The following PTPN23 variants were observed in gnomAD, a reference collection of about 807,000 sequenced individuals.
PTPN23 encodes the protein tyrosine-protein phosphatase non-receptor type 23.
A neutral mutation model predicts 156.3 loss-of-function variants in PTPN23; 72 were observed. The observed-to-expected ratio is 0.46, with a 90% CI of 0.38 to 0.56. PTPN23 has a LOEUF of 0.56. Ranked by LOEUF, PTPN23 falls within the 20% of genes least tolerant of loss-of-function variation. PTPN23 has a pLI of 0.00. For synonymous variants in PTPN23, 957 were observed against 899.6 expected, an observed-to-expected ratio of 1.06 and a Z score of -1.14; for missense variants, 1,974 against 2,171.5, an observed-to-expected ratio of 0.91 and a Z score of 1.81.
Position 47,381,021 on chromosome 3 carries a change from G to A in PTPN23, c.-76G>A, listed in dbSNP as rs1323909035. The A allele has an allele frequency of 1.9e-5, 29 of 1,545,026 alleles. No homozygotes were observed. Among genetic ancestry groups the A allele is most frequent in the Non-Finnish European group, 7.0e-6 (8 of 1,143,854 alleles). On this transcript the variant is annotated 5_prime_UTR_variant, in exon 1 of 25. Transcript: ENST00000265562. Reference sequence around the variant, plus strand: ...CCAGTGACTTCCGGCACGAAGGGGCGGGGCTGGGCTCGTGGCTGAGCCAGC... The same window carrying A: ...CCAGTGACTTCCGGCACGAAGGGGCAGGGCTGGGCTCGTGGCTGAGCCAGC...
rs2107716206 is a variant in PTPN23 at position 47,406,984 on chromosome 3, C to T, written c.808-146C>T. 1 of 1,176,014 alleles carries T rather than the reference C, an allele frequency of 8.5e-7. No individual in the cohort carries two copies. Among genetic ancestry groups the T allele is most frequent in the Non-Finnish European group, 1.2e-6 (1 of 824,488 alleles). 72.8% of individuals were successfully genotyped at this position (1,176,014 alleles called of 1,614,324 possible). The stretch of plus-strand genomic sequence containing the variant: ...AGGTGGCTGGGGCAGGGTGTGGCGC[C>T]ACCTTGCTGCTGTTGGCTGGGGTGG... On this transcript the variant is annotated intron_variant, in intron 9 of 24. Coordinates refer to ENST00000265562, the MANE Select transcript of PTPN23 (RefSeq NM_015466.4). The surrounding 1 kb of genome is among the most constrained non-coding windows in gnomAD (Gnocchi z 5.8).
chr3:47,389,712 T>C (rs1002624151), intron 1 of PTPN23, among the ~76,000 whole-genome samples: 1 of 151,876 alleles, frequency 6.6e-6, no homozygotes, highest in Non-Finnish European at 1.5e-5. Flanking sequence ...TGGTGGCGGG[T>C]GCCTGTAGTC....
At position 47,413,125 on chromosome 3, in the gene PTPN23, C is replaced by A; in HGVS notation, c.4851C>A (p.Thr1617=). 6.2e-7 allele frequency: 1 copy of A among 1,612,832 alleles called. No homozygotes were observed. The highest frequency in any genetic ancestry group is 8.5e-7 in the Non-Finnish European group (1 of 1,179,986). Residue 1617 remains threonine (T), a synonymous_variant, in exon 25 of 25, where the codon ACC becomes ACA. Coordinates refer to ENST00000265562, the MANE Select transcript of PTPN23 (RefSeq NM_015466.4). ...QAHNGQGLRA[T]RPSDDPLSLL... Reference sequence around the variant, plus strand: ...ATAACGGGCAAGGGCTGCGGGCCACCCGGCCCTCTGACGACCCCCTCAGCC... The same window carrying A: ...ATAACGGGCAAGGGCTGCGGGCCACACGGCCCTCTGACGACCCCCTCAGCC...
At position 47,413,398 on chromosome 3, in the gene PTPN23, C is replaced by CTCTT. The variant is rs1705384458; in HGVS notation, c.*215_*218dup. On this transcript the variant is annotated 3_prime_UTR_variant, in exon 25 of 25. Coordinates refer to ENST00000265562, the MANE Select transcript of PTPN23 (RefSeq NM_015466.4). Reference sequence around the variant, plus strand: ...CTTTATGGGACCCGACATTTTTCAGCTCTTTGCTATTGAAATAATAAACCA... The same window carrying CTCTT: ...CTTTATGGGACCCGACATTTTTCAGCTCTTTCTTTGCTATTGAAATAATAAACCA... 14 of 626,666 alleles carry CTCTT rather than the reference C, an allele frequency of 2.2e-5. No individual in the cohort carries two copies. Among genetic ancestry groups the CTCTT allele is most frequent in the Admixed American group, 3.2e-5 (1 of 31,000 alleles). The allele number at this position is 626,666 out of a possible 1,614,324, so 38.8% of individuals were successfully genotyped here.
At position 47,412,225 on chromosome 3, in the gene PTPN23, C is replaced by G. The variant is rs771199693; in HGVS notation, c.4178+27C>G. ...TAGAGGGTGGGCCTGAGGGTCTCTC[C>G]TCTATGGGCTCTTGGCCTAGCCTCA... On this transcript the variant is annotated intron_variant, in intron 22 of 24. Transcript: ENST00000265562. The G allele has an allele frequency of 1.9e-6, 3 of 1,613,294 alleles. No homozygotes were observed. In the South Asian group the frequency reaches 3.3e-5, roughly 18 times the overall value.
At chr3:47,403,576 T>C (rs950881631) in intron 2 of PTPN23, among the ~76,000 whole-genome samples, 3 of 152,222 alleles carry the variant, frequency 2.0e-5, no homozygotes, top group Non-Finnish European at 4.4e-5. Flanking sequence ...TCACCCAGGC[T>C]GGAAAACAGT....
chr3:47,386,378 C>T (rs890389034), intron 1 of PTPN23, among the ~76,000 whole-genome samples: 2 of 152,092 alleles, frequency 1.3e-5, no homozygotes, highest in African/African-American at 2.4e-5. Context: ...GTTGGCTAGG[C>T]TGGTCTCGAA....
At position 47,410,505 on chromosome 3, in the gene PTPN23, C is replaced by T. The variant is rs1233090981; in HGVS notation, c.2707C>T (p.Pro903Ser). 11 of 1,607,190 alleles carry T rather than the reference C, an allele frequency of 6.8e-6. No homozygotes were observed. In the South Asian group the frequency reaches 1.1e-4, roughly 16 times the overall value. ...CACAGCCCCACGGCCAAACCCCACC[C>T]CTGCTCCTCCCCCGCCCTGCTTCCC... ...SHTAPRPNPT[P>S]APPPPCFPVP... is the part of the protein sequence containing the mutation. Residue 903 changes from proline to serine, a missense_variant, in exon 20 of 25, where the codon CCT becomes TCT. Pro to Ser is a moderately conservative substitution (Grantham distance 74). Coordinates refer to ENST00000265562, the MANE Select transcript of PTPN23 (RefSeq NM_015466.4).
chr3:47,407,403 T>C lies in PTPN23; in HGVS notation c.923+36T>C, dbSNP rs1705153567. 6.2e-7 allele frequency: 1 copy of C among 1,612,734 alleles called. No individual in the cohort carries two copies. The highest frequency in any genetic ancestry group is 8.5e-7 in the Non-Finnish European group (1 of 1,179,022). ...GGGGGTGGCCCTGGTTCCCTCTTTT[T>C]GTGAAGGGTCTTGTCCCTCTGCTGG... On this transcript the variant is annotated intron_variant, in intron 11 of 24. Coordinates refer to ENST00000265562, the MANE Select transcript of PTPN23 (RefSeq NM_015466.4). The surrounding 1 kb of genome is among the most constrained non-coding windows in gnomAD (Gnocchi z 4.0).
In PTPN23 at chr3:47,412,149, C is replaced by T. The variant is rs373091751; in HGVS notation, c.4129C>T (p.His1377Tyr). ...GCGCTTCATCCAGGAGGTGCACGCACATTACCTGCATCAGCGGCCGCTGCA... is the reference window on the plus strand; with the variant it reads ...GCGCTTCATCCAGGAGGTGCACGCATATTACCTGCATCAGCGGCCGCTGCA... Reference protein sequence around the residue: ...LLRFIQEVHAHYLHQRPLHTP... With the variant: ...LLRFIQEVHAYYLHQRPLHTP... Residue 1377 changes from histidine (H) to tyrosine (Y), a missense_variant, in exon 22 of 25, where the codon CAT (histidine) becomes TAT (tyrosine). By Grantham distance (83) the His-to-Tyr change is moderately conservative. Around this residue, in one of 4 missense-constraint regions of PTPN23, gnomAD observed 484 missense variants for 516.0 expected, o/e 0.94. Coordinates refer to ENST00000265562, the MANE Select transcript of PTPN23 (RefSeq NM_015466.4). 3.7e-6 allele frequency: 6 copies of T among 1,613,098 alleles called. No individual in the cohort carries two copies. In the African/African-American group the frequency reaches 8.0e-5, roughly 22 times the overall value.
chr3:47,381,316 G>C, intron 1 of PTPN23, 136 bp downstream of exon 1: 1 of 1,270,370 alleles, frequency 7.9e-7, no homozygotes, highest in East Asian at 2.6e-5. Flanking sequence ...GGCCTTCGCC[G>C]GTTTTCCTCA....
rs200533924 is a variant in PTPN23 at position 47,413,190 on chromosome 3, G to A, written c.*5G>A. 6.2e-7 allele frequency: 1 copy of A among 1,605,310 alleles called. No homozygotes were observed. Among genetic ancestry groups the A allele is most frequent in the Admixed American group, 1.7e-5 (1 of 59,366 alleles). On this transcript the variant is annotated 3_prime_UTR_variant, in exon 25 of 25. Coordinates refer to ENST00000265562, the MANE Select transcript of PTPN23 (RefSeq NM_015466.4). ...TGGACACTCAACAAGACCTGAACAG[G>A]TTTTGCCTACCTGGTCCTTACACTA...
chr3:47,399,941 A>G (rs1435834289), intron 2 of PTPN23, among the ~76,000 whole-genome samples: 1 of 152,152 alleles, frequency 6.6e-6, no homozygotes, highest in Non-Finnish European at 1.5e-5. Context: ...CAGCCTCCTG[A>G]GTACCTGGGA....
chr3:47,404,885 C>T lies in PTPN23; in HGVS notation c.287+106C>T, dbSNP rs550623803. ...CCTTGCTGCATAGGATGGGGAATGG[C>T]CTCATATGGTCCCCCCAGGCCTCCC... On this transcript the variant is annotated intron_variant, in intron 3 of 24. Transcript: ENST00000265562. 1.7e-5 allele frequency: 26 copies of T among 1,573,822 alleles called. No homozygotes were observed. In the African/African-American group the frequency reaches 3.2e-4, roughly 20 times the overall value.
intron 1 of PTPN23, 22 bp downstream of exon 1, chr3:47,381,202 C>T (rs1377457471): frequency 1.9e-6 from 3 of 1,564,336 alleles, no homozygotes; most frequent in Non-Finnish European, 1.7e-6. Flanking sequence ...TTCCATCTTC[C>T]CCCCTATCCG....
Position 47,406,343 on chromosome 3 carries a change from C to T in PTPN23, c.565C>T (p.Leu189Phe), listed in dbSNP as rs1279041274. Residue 189 changes from leucine (L) to phenylalanine (F), a missense_variant, in exon 7 of 25, where the codon CTC becomes TTC. Physicochemically the swap from Leu to Phe is conservative, Grantham distance 22. Around this residue, in one of 4 missense-constraint regions of PTPN23, gnomAD observed 726 missense variants for 929.5 expected, o/e 0.78. Transcript: ENST00000265562. This position sits in a 1 kb window ranked among gnomAD's most constrained non-coding sequence, Gnocchi z 5.8. ...NLMLGQAQEC[L>F]LEKSMLDNRK... ...GCCCCAGGGCCAGGCTCAGGAGTGCCTCCTGGAGAAGTCGATGTTGGACAA... is the reference window on the plus strand; with the variant it reads ...GCCCCAGGGCCAGGCTCAGGAGTGCTTCCTGGAGAAGTCGATGTTGGACAA... The T allele has an allele frequency of 6.2e-7, 1 of 1,613,698 alleles. No individual in the cohort carries two copies. Among genetic ancestry groups the T allele is most frequent in the Non-Finnish European group, 8.5e-7 (1 of 1,179,994 alleles).
rs758392924 is a variant in PTPN23 at position 47,411,014 on chromosome 3, C to G, written c.3216C>G (p.Pro1072=). 6.3e-7 allele frequency: 1 copy of G among 1,596,508 alleles called. No individual in the cohort carries two copies. The highest frequency in any genetic ancestry group is 8.5e-7 in the Non-Finnish European group (1 of 1,171,574). The change falls in exon 20 of 25, where the codon CCC becomes CCG. Residue 1072 remains proline, a synonymous_variant. Coordinates refer to ENST00000265562, the MANE Select transcript of PTPN23 (RefSeq NM_015466.4). This position sits in a 1 kb window ranked among gnomAD's most constrained non-coding sequence, Gnocchi z 6.3. ...CAGCCCCTCTTACCATTCGAGGGCC[C>G]TCGTCTGCTGGCCAGTCCACCCCTA... ...PQAAPLTIRG[P]SSAGQSTPSP... is the part of the protein sequence containing the mutation.
At chr3:47,390,072 CAAAAAAA>C (rs891612283) in intron 1 of PTPN23, among the ~76,000 whole-genome samples, 24 of 49,356 alleles carry the variant, frequency 4.9e-4, no homozygotes, top group Admixed American at 4.7e-3. Context: ...GACTCCGTCT[CAAAAAAA>C]AAAAAAAAAA....
Position 47,411,515 on chromosome 3 carries a change from C to T in PTPN23, c.3717C>T (p.Gly1239=). 1 of 1,613,046 alleles carries T rather than the reference C, an allele frequency of 6.2e-7. No individual in the cohort carries two copies. The highest frequency in any genetic ancestry group is 8.5e-7 in the Non-Finnish European group (1 of 1,180,014). ...YDSNRVVLRS[G]KDDYINASCV... is the part of the protein sequence containing the mutation. ...GTAACCGTGTGGTGCTGCGCTCAGG[C>T]AAGGATGACTACATCAATGCCAGCT... Residue 1239 remains glycine (G), a synonymous_variant, in exon 20 of 25, where the codon GGC becomes GGT. Coordinates refer to ENST00000265562, the MANE Select transcript of PTPN23 (RefSeq NM_015466.4). This position sits in a 1 kb window ranked among gnomAD's most constrained non-coding sequence, Gnocchi z 6.3.
Sources: gnomAD v4.1 joint callset for allele counts (sites outside exome capture counted in the v4.1 genomes callset) on GRCh38, gnomAD v4.1.1 for gene constraint, gnomAD v4.1.1 regional missense constraint, Gnocchi (gnomAD v3.1) non-coding constraint, MANE v1.5 for transcripts, NCBI Gene and HGNC (gene_info 2026-07-23, HGNC 2026-07-21) for gene names.